TGFBR3: variants seen among roughly 807,000 people sequenced by gnomAD.
TGFBR3 encodes the protein transforming growth factor beta receptor type 3.
In TGFBR3, 46 loss-of-function variants were observed where a neutral mutation model predicts 87.9. The observed-to-expected ratio is 0.52, with a 90% CI of 0.41 to 0.67. TGFBR3 has a LOEUF of 0.67. Ranked by LOEUF, TGFBR3 falls within the 30% of genes least tolerant of loss-of-function variation. The probability of loss-of-function intolerance (pLI) is 0.00; values close to 1 mark genes in which losing one functional copy is unlikely to be tolerated. For missense variants in TGFBR3, 866 were observed against 1,041.9 expected (o/e 0.83, Z 2.32); for synonymous variants, 381 against 391.6 (o/e 0.97, Z 0.32).
rs563789791 is a variant in TGFBR3, at chr1:91,716,532, T to A, written c.1707+36A>T. The A allele has an allele frequency of 2.5e-6, 4 of 1,614,070 alleles. No individual in the cohort carries two copies. The East Asian group carries it at 8.9e-5, about 36-fold the overall frequency. On this transcript the variant is annotated intron_variant, in intron 11 of 16. Transcript: ENST00000212355. ...ACTAAAGCCAACAAAATAGACAGCATTTTCCACAAACCCCCTACTGATAAC... is the reference window on the plus strand; with the variant it reads ...ACTAAAGCCAACAAAATAGACAGCAATTTCCACAAACCCCCTACTGATAAC...
chr1:91,865,759 A>C (rs962199870), intron 1 of TGFBR3, among the ~76,000 whole-genome samples: 3 of 149,994 alleles, frequency 2.0e-5, no homozygotes, highest in Non-Finnish European at 4.4e-5. Context: ...TAAAATACAA[A>C]AAATTAGCCG....
At chr1:91,776,973 A>T (rs1399004168) in intron 3 of TGFBR3, among the ~76,000 whole-genome samples, 3 of 152,284 alleles carry the variant, frequency 2.0e-5, no homozygotes, top group Admixed American at 2.0e-4. Flanking sequence ...TCCTGGGAAG[A>T]CCACATTCAT....
chr1:91,824,302 T>C (rs539422048), intron 2 of TGFBR3, among the ~76,000 whole-genome samples: 3 of 152,348 alleles, frequency 2.0e-5, no homozygotes, highest in Non-Finnish European at 4.4e-5. Flanking sequence ...AGTAATGGCA[T>C]TAATATTCAC....
chr1:91,728,991 G>A (rs576563475), intron 6 of TGFBR3, among the ~76,000 whole-genome samples: 6 of 151,060 alleles, frequency 4.0e-5, no homozygotes, highest in Admixed American at 2.0e-4. Context: ...AAGTTCTATC[G>A]AATGGCTTTT....
intron 2 of TGFBR3, among the ~76,000 whole-genome samples, chr1:91,859,894 G>A (rs1375277053): frequency 6.8e-6 from 1 of 147,850 alleles, no homozygotes; most frequent in Non-Finnish European, 1.5e-5. Flanking sequence ...GGGCAACAGA[G>A]GGAGACTCCA....
chr1:91,777,471 C>T (rs1465453886), intron 3 of TGFBR3, among the ~76,000 whole-genome samples: 1 of 152,130 alleles, frequency 6.6e-6, no homozygotes, highest in African/African-American at 2.4e-5. Context: ...CAGCCCTCTG[C>T]CAAACCACAT....
intron 3 of TGFBR3, among the ~76,000 whole-genome samples, chr1:91,793,288 T>C (rs905648655): frequency 6.6e-6 from 1 of 152,076 alleles, no homozygotes; most frequent in Non-Finnish European, 1.5e-5. Flanking sequence ...ATATTAGATA[T>C]GGGGTGATTT....
chr1:91,716,343 G>T lies in TGFBR3; in HGVS notation c.1759C>A (p.Pro587Thr). ...VRNPSSFQEQPHGNITFNMEL... is the reference protein window; with the variant it reads ...VRNPSSFQEQTHGNITFNMEL... ...ATGTTGAAGGTGATGTTTCCGTGGG[G>T]CTGTTCCTGGAAGCTGCTGGGGTTC... The change falls in exon 12 of 17, where the codon CCC (proline) becomes ACC (threonine). Residue 587 changes from proline (P) to threonine (T), a missense_variant. Coordinates refer to ENST00000212355, the MANE Select transcript of TGFBR3 (RefSeq NM_003243.5). The T allele has an allele frequency of 6.2e-7, 1 of 1,614,186 alleles. No individual in the cohort carries two copies.
chr1:91,809,716 C>A (rs1173718066), intron 2 of TGFBR3, among the ~76,000 whole-genome samples: 1 of 152,126 alleles, frequency 6.6e-6, no homozygotes, highest in Non-Finnish European at 1.5e-5. Context: ...ACACTGAATG[C>A]CAAATTATTC....
At position 91,877,052 on chromosome 1, in the gene TGFBR3, C is replaced by T. The variant is rs558754387; in HGVS notation, c.-114+8826G>A. Among the ~76,000 whole-genome samples, 5 of 152,280 alleles carry T rather than the reference C, an allele frequency of 3.3e-5. No homozygotes were observed. The South Asian group carries it at 8.3e-4, about 25-fold the overall frequency. ...AGAGTTGCCAACTACAGAACCTCAACCTTAGCAAAATTTTTTTGCAAACCT... is the reference window on the plus strand; with the variant it reads ...AGAGTTGCCAACTACAGAACCTCAATCTTAGCAAAATTTTTTTGCAAACCT... On this transcript the variant is annotated intron_variant, in intron 1 of 16. Transcript: ENST00000212355.
At chr1:91,806,666 TA>T (rs1675845573) in intron 2 of TGFBR3, among the ~76,000 whole-genome samples, 1 of 152,140 alleles carries the variant, frequency 6.6e-6, no homozygotes, top group South Asian at 2.1e-4. Context: ...TCAGCTGTAA[TA>T]AAAGTGGTAA....
At chr1:91,798,426 C>T (rs1221832298) in intron 2 of TGFBR3, among the ~76,000 whole-genome samples, 1 of 152,218 alleles carries the variant, frequency 6.6e-6, no homozygotes, top group East Asian at 1.9e-4. Flanking sequence ...CTCATCCCTC[C>T]CCACTCCACG....
At chr1:91,732,761 T>C (rs1672821194) in intron 5 of TGFBR3, among the ~76,000 whole-genome samples, 1 of 152,174 alleles carries the variant, frequency 6.6e-6, no homozygotes, top group African/African-American at 2.4e-5. Context: ...TAACAGTTTT[T>C]ACTGCACCAG....
chr1:91,823,211 G>A (rs996384476), intron 2 of TGFBR3, among the ~76,000 whole-genome samples: 39 of 152,252 alleles, frequency 2.6e-4, no homozygotes, highest in African/African-American at 9.1e-4. Flanking sequence ...TAGGGCAGGT[G>A]ATATCTGAGG....
chr1:91,870,113 T>A (rs923931558), intron 1 of TGFBR3, among the ~76,000 whole-genome samples: 6 of 152,230 alleles, frequency 3.9e-5, no homozygotes, highest in African/African-American at 1.4e-4. Flanking sequence ...CAAAAATTAT[T>A]TAAATGCAGT....
chr1:91,778,200 C>T (rs1169078264), intron 3 of TGFBR3, among the ~76,000 whole-genome samples: 4 of 151,498 alleles, frequency 2.6e-5, no homozygotes, highest in Admixed American at 1.3e-4. Flanking sequence ...CATGAGACAC[C>T]CTTAGTTTAC....
chr1:91,801,745 T>C (rs908840345), intron 2 of TGFBR3, among the ~76,000 whole-genome samples: 5 of 152,056 alleles, frequency 3.3e-5, no homozygotes, highest in African/African-American at 1.2e-4. Flanking sequence ...ATAAAAAAAA[T>C]TAAGCCCAGA....
intron 3 of TGFBR3, among the ~76,000 whole-genome samples, chr1:91,769,202 A>G (rs892606422): frequency 6.6e-6 from 1 of 152,230 alleles, no homozygotes; most frequent in South Asian, 2.1e-4. Context: ...AGTGACTGGC[A>G]TCTGGTAAGC....
intron 4 of TGFBR3, among the ~76,000 whole-genome samples, chr1:91,745,745 T>C (rs1055160610): frequency 6.6e-6 from 1 of 152,242 alleles, no homozygotes; most frequent in Non-Finnish European, 1.5e-5. Flanking sequence ...ACATGTTTTC[T>C]ATTAACATAT....
Sources: allele counts gnomAD v4.1 joint callset (sites outside exome capture counted in the v4.1 genomes callset), GRCh38; gene constraint gnomAD v4.1.1; transcripts MANE v1.5; gene names NCBI Gene and HGNC (gene_info 2026-07-23, HGNC 2026-07-21).